The following SLC8A1 variants were observed in gnomAD, a reference collection of about 807,000 sequenced individuals.
The protein encoded by SLC8A1 is sodium/calcium exchanger 1.
In SLC8A1, 18 loss-of-function variants were observed where a neutral mutation model predicts 68.3. The ratio of observed to expected loss-of-function variants is 0.26; its 90% CI spans 0.18 to 0.39. The LOEUF (loss-of-function observed/expected upper bound fraction) is 0.39, where lower values mean the gene tolerates loss of function less well. SLC8A1 is among the 10% of genes least tolerant of loss of function. The pLI is 1.00. For synonymous variants in SLC8A1, 475 were observed against 415.5 expected (o/e 1.14, Z -1.74); for missense variants, 985 against 1,156.7 (o/e 0.85, Z 2.15).
In SLC8A1 at chr2:40,240,351, ATACTC is replaced by A. The variant is rs537185719; in HGVS notation, c.1809-62501_1809-62497del. ...GTCATACAGTGATGAGGGGTAGAAA[ATACTC>A]TAACCATTCAGGATGTGATTGTTTT... On this transcript the variant is annotated intron_variant, in intron 2 of 7. Transcript: ENST00000406785. Among the ~76,000 whole-genome samples, 639 of 152,236 alleles carry A rather than the reference ATACTC, an allele frequency of 4.2e-3. 1 individual carries two copies. The highest frequency in any genetic ancestry group is 0.014 in the African/African-American group (596 of 41,546).
chr2:40,391,137 CTTAAAATATATATATAT>C (rs1424700789), intron 2 of SLC8A1, among the ~76,000 whole-genome samples: 1 of 148,696 alleles, frequency 6.7e-6, no homozygotes, highest in Non-Finnish European at 1.5e-5. Context: ...TTCTATTCTC[CTTAAAATATATATATAT>C]ATAAATATAT....
At chr2:40,430,925 T>C (rs182012304) in intron 1 of SLC8A1, among the ~76,000 whole-genome samples, 314 of 152,296 alleles carry the variant, frequency 2.1e-3, no homozygotes, top group African/African-American at 7.2e-3. Flanking sequence ...GAAACAAAAC[T>C]TCAAGCTTGC....
At chr2:40,327,161 T>C (rs2075916678) in intron 2 of SLC8A1, among the ~76,000 whole-genome samples, 1 of 152,156 alleles carries the variant, frequency 6.6e-6, no homozygotes, top group Admixed American at 6.6e-5. Context: ...TTGAAACCTA[T>C]AATGCACAAA....
chr2:40,292,647 A>G lies in SLC8A1; in HGVS notation c.1809-114792T>C, dbSNP rs1266359747. Among the ~76,000 whole-genome samples the G allele has an allele frequency of 2.0e-5, 3 of 152,204 alleles. No individual in the cohort carries two copies. The South Asian group carries it at 6.2e-4, about 31-fold the overall frequency. On this transcript the variant is annotated intron_variant, in intron 2 of 7. Coordinates refer to ENST00000406785, the Ensembl canonical transcript of SLC8A1. The stretch of plus-strand genomic sequence containing the variant: ...AGGAGTGACTGTGATCTATTAAATC[A>G]GTAAGACCTTGGAAGCCTTCTGTCA...
intron 2 of SLC8A1, among the ~76,000 whole-genome samples, chr2:40,247,785 G>T (rs559859593): frequency 1.3e-5 from 2 of 152,178 alleles, no homozygotes; most frequent in Non-Finnish European, 2.9e-5. Context: ...TCAAAGGTGA[G>T]ACCCAGTAGA....
chr2:40,311,357 A>C (rs374370324), intron 2 of SLC8A1, among the ~76,000 whole-genome samples: 3 of 152,130 alleles, frequency 2.0e-5, no homozygotes, highest in South Asian at 2.1e-4. Context: ...TATAGAAAAA[A>C]ATCATTTTTT....
At chr2:40,258,266 C>G (rs1304724757) in intron 2 of SLC8A1, among the ~76,000 whole-genome samples, 1 of 152,166 alleles carries the variant, frequency 6.6e-6, no homozygotes, top group African/African-American at 2.4e-5. Context: ...ATTAAGTGAG[C>G]ATGTCTCTGG....
chr2:40,366,037 G>A (rs1430971373), intron 2 of SLC8A1, among the ~76,000 whole-genome samples: 1 of 151,490 alleles, frequency 6.6e-6, no homozygotes, highest in South Asian at 2.1e-4. Flanking sequence ...AAAAAAATTT[G>A]GATCCAGAGA....
chr2:40,279,470 T>A (rs1223800131), intron 2 of SLC8A1, among the ~76,000 whole-genome samples: 1 of 152,182 alleles, frequency 6.6e-6, no homozygotes, highest in Non-Finnish European at 1.5e-5. Context: ...GAGAAGTGAT[T>A]AGAATAATAT....
chr2:40,394,716 C>A (rs1249280801), intron 2 of SLC8A1, among the ~76,000 whole-genome samples: 1 of 151,940 alleles, frequency 6.6e-6, no homozygotes, highest in Non-Finnish European at 1.5e-5. Context: ...ATAGTAATCA[C>A]TGATTTAGCA....
At chr2:40,328,333 C>T (rs1157438482) in intron 2 of SLC8A1, among the ~76,000 whole-genome samples, 1 of 152,142 alleles carries the variant, frequency 6.6e-6, no homozygotes, top group Non-Finnish European at 1.5e-5. Context: ...ACATCGACTT[C>T]CCCCGTTCCA....
At chr2:40,244,312 G>C (rs72794762) in intron 2 of SLC8A1, among the ~76,000 whole-genome samples, 286 of 152,248 alleles carry the variant, frequency 1.9e-3, no homozygotes, top group Middle Eastern at 0.017. Flanking sequence ...CATCTACTAC[G>C]TGAGTCTCCT....
intron 2 of SLC8A1, among the ~76,000 whole-genome samples, chr2:40,237,158 C>G (rs2060505391): frequency 6.6e-6 from 1 of 152,066 alleles, no homozygotes; most frequent in Non-Finnish European, 1.5e-5. Context: ...GCCTGCCTTG[C>G]TAGATTGGGG....
intron 6 of SLC8A1, among the ~76,000 whole-genome samples, chr2:40,150,345 G>A (rs1012468061): frequency 6.6e-6 from 1 of 152,168 alleles, no homozygotes; most frequent in Non-Finnish European, 1.5e-5. Flanking sequence ...GCTCCTCTCT[G>A]CCTATGGAGA....
chr2:40,221,115 C>T (rs552009045), intron 2 of SLC8A1, among the ~76,000 whole-genome samples: 2 of 152,196 alleles, frequency 1.3e-5, no homozygotes, highest in Admixed American at 6.5e-5. Flanking sequence ...TGATGAACAT[C>T]GATGTGAAAA....
intron 2 of SLC8A1, among the ~76,000 whole-genome samples, chr2:40,287,635 G>C (rs2068563914): frequency 1.1e-5 from 1 of 94,926 alleles, no homozygotes; most frequent in African/African-American, 4.1e-5. Flanking sequence ...CAGGGACAAG[G>C]GGGCATCTTA....
chr2:40,318,853 T>C (rs1455184671), intron 2 of SLC8A1, among the ~76,000 whole-genome samples: 1 of 152,216 alleles, frequency 6.6e-6, no homozygotes, highest in African/African-American at 2.4e-5. Flanking sequence ...AGTTATTCTC[T>C]GGAAGTTGTT....
chr2:40,498,522 C>T (rs555344949), intron 1 of SLC8A1, among the ~76,000 whole-genome samples: 1 of 152,164 alleles, frequency 6.6e-6, no homozygotes. Context: ...CAGATAAATG[C>T]TGTTGGTTTC....
rs1326698094 is a variant in SLC8A1, at chr2:40,488,487, T to C, written c.-25+23862A>G. On this transcript the variant is annotated intron_variant, in intron 1 of 7. Transcript: ENST00000402441. ...GTGTGTGTGTGTGCACGCATGTGTG[T>C]ATTTTAAGCCCATTTAGCACGTGGA... Among the ~76,000 whole-genome samples the C allele has an allele frequency of 1.5e-4, 23 of 152,064 alleles. 1 individual carries two copies. The highest frequency in any genetic ancestry group is 1.4e-3 in the Admixed American group (22 of 15,250).
Sources: allele counts gnomAD v4.1 joint callset (sites outside exome capture counted in the v4.1 genomes callset), GRCh38; gene constraint gnomAD v4.1.1; transcripts MANE v1.5; gene names NCBI Gene and HGNC (gene_info 2026-07-23, HGNC 2026-07-21).